Variants in ANKRD17 observed in about 807,000 individuals in gnomAD.
The protein encoded by ANKRD17 is ankyrin repeat domain 17, also known as ankyrin repeat domain-containing protein 17.
Under a neutral mutation model 229.7 loss-of-function variants are expected in ANKRD17, and 19 were observed. The observed-to-expected ratio is 0.08, with a 90% CI of 0.06 to 0.12. The LOEUF (loss-of-function observed/expected upper bound fraction) is 0.12, where lower values mean the gene tolerates loss of function less well. ANKRD17 is among the 10% of genes least tolerant of loss of function. ANKRD17 has a pLI of 1.00. For synonymous variants in ANKRD17, 1,112 were observed against 1,146.1 expected (o/e 0.97, Z 0.60); for missense variants, 2,176 against 3,176.8 (o/e 0.68, Z 7.57).
chr4:73,189,135 T>C (rs1310179534), intron 1 of ANKRD17, among the ~76,000 whole-genome samples: 2 of 152,258 alleles, frequency 1.3e-5, no homozygotes, highest in East Asian at 3.9e-4. Context: ...TACTTTTTTA[T>C]TTACAAGGCC....
chr4:73,120,464 C>T lies in ANKRD17; in HGVS notation c.3850-127G>A, dbSNP rs191354379. On this transcript the variant is annotated intron_variant, in intron 20 of 33. Coordinates refer to ENST00000358602, the MANE Select transcript of ANKRD17 (RefSeq NM_032217.5). ...ACCAAGATTCACAACTAAATTTAAT[C>T]ACTGACCCTTATTAGCTCCTTTGAG... 35 of 822,902 alleles carry T rather than the reference C, an allele frequency of 4.3e-5. 1 individual carries two copies. In the East Asian group the frequency reaches 9.5e-4, roughly 22 times the overall value. The allele number at this position is 822,902 out of a possible 1,614,324, so 51.0% of individuals were successfully genotyped here.
rs559559415 is a variant in ANKRD17, at chr4:73,148,932, G to C, written c.1448C>G (p.Ala483Gly). 1 of 1,613,372 alleles carries C rather than the reference G, an allele frequency of 6.2e-7. No homozygotes were observed. The highest frequency in any genetic ancestry group is 8.5e-7 in the Non-Finnish European group (1 of 1,179,682). Residue 483 changes from alanine to glycine, a missense_variant, in exon 8 of 34, where the codon GCG (alanine) becomes GGG (glycine). This residue lies in a region of ANKRD17 where 42 missense variants were observed against 141.3 expected (regional missense o/e 0.30). Transcript: ENST00000358602. Reference sequence around the variant, plus strand: ...AGCTCCTCTTTCAATAAGTAAAGCCGCAAGTTCCACATGCCCACCACATGC... The same window carrying C: ...AGCTCCTCTTTCAATAAGTAAAGCCCCAAGTTCCACATGCCCACCACATGC... ...LAACGGHVEL[A>G]ALLIERGASL...
chr4:73,160,864 A>G (rs368550212), intron 3 of ANKRD17, among the ~76,000 whole-genome samples: 1 of 152,158 alleles, frequency 6.6e-6, no homozygotes, highest in African/African-American at 2.4e-5. Context: ...ATACATTTTT[A>G]AAAAAAATCT....
intron 1 of ANKRD17, among the ~76,000 whole-genome samples, chr4:73,220,280 C>A (rs1286855733): frequency 6.6e-6 from 1 of 151,990 alleles, no homozygotes; most frequent in African/African-American, 2.4e-5. Context: ...TGGCTACTTT[C>A]CTGAGTATTA....
intron 1 of ANKRD17, among the ~76,000 whole-genome samples, chr4:73,215,554 G>C (rs910680748): frequency 6.6e-6 from 1 of 152,100 alleles, no homozygotes; most frequent in African/African-American, 2.4e-5. Context: ...CACTGCGCCT[G>C]GCTGAAAATG....
chr4:73,127,806 T>C lies in ANKRD17; in HGVS notation c.3235-2494A>G, dbSNP rs1355207415. On this transcript the variant is annotated intron_variant, in intron 16 of 33. Coordinates refer to ENST00000358602, the MANE Select transcript of ANKRD17 (RefSeq NM_032217.5). ...TGTATTTGTAGAATGTACATAATAA[T>C]TATAAAAAGGAAAAGCATATTCTCC... Among the ~76,000 whole-genome samples the C allele has an allele frequency of 2.6e-5, 4 of 152,278 alleles. No homozygotes were observed. The East Asian group carries it at 5.8e-4, about 22-fold the overall frequency.
chr4:73,211,171 C>CT (rs1416870694), intron 1 of ANKRD17, among the ~76,000 whole-genome samples: 2 of 151,780 alleles, frequency 1.3e-5, no homozygotes, highest in Non-Finnish European at 2.9e-5. Flanking sequence ...TCTCACATTA[C>CT]TTTTACAGAG....
intron 22 of ANKRD17, among the ~76,000 whole-genome samples, chr4:73,116,967 A>G (rs10805059): frequency 5.3e-5 from 8 of 151,822 alleles, no homozygotes; most frequent in Non-Finnish European, 8.8e-5. Context: ...GCACTGCTCA[A>G]CTGAAGTCAA....
At chr4:73,253,599 G>A (rs1207361456) in intron 1 of ANKRD17, among the ~76,000 whole-genome samples, 1 of 152,174 alleles carries the variant, frequency 6.6e-6, no homozygotes, top group African/African-American at 2.4e-5. Context: ...GTAAATGATG[G>A]ATCAAGGATT....
At chr4:73,196,258 G>A (rs1177615049) in intron 1 of ANKRD17, among the ~76,000 whole-genome samples, 3 of 151,690 alleles carry the variant, frequency 2.0e-5, no homozygotes, top group East Asian at 1.9e-4. Context: ...TCGGCCTCCC[G>A]AAGTGTTGGG....
intron 1 of ANKRD17, chr4:73,223,111 A>G: frequency 6.9e-7 from 1 of 1,446,696 alleles, no homozygotes; most frequent in Non-Finnish European, 9.4e-7. Flanking sequence ...GCAAGGGAAC[A>G]GGAAATGGAA....
chr4:73,204,934 G>GT, intron 1 of ANKRD17, among the ~76,000 whole-genome samples: 1 of 152,030 alleles, frequency 6.6e-6, no homozygotes, highest in Non-Finnish European at 1.5e-5. Flanking sequence ...TTTTTTGTGA[G>GT]TAAAAATACT....
At chr4:73,156,554 C>T (rs1731687956) in intron 3 of ANKRD17, among the ~76,000 whole-genome samples, 1 of 152,094 alleles carries the variant, frequency 6.6e-6, no homozygotes, top group Non-Finnish European at 1.5e-5. Flanking sequence ...GGATTTCTCC[C>T]TTGCTGTTCT....
chr4:73,210,418 G>A (rs901030713), intron 1 of ANKRD17, among the ~76,000 whole-genome samples: 1 of 152,120 alleles, frequency 6.6e-6, no homozygotes, highest in African/African-American at 2.4e-5. Flanking sequence ...CAACAGTGCT[G>A]AGAGAAATTA....
At chr4:73,212,555 GAAAACTA>G (rs1357360781) in intron 1 of ANKRD17, among the ~76,000 whole-genome samples, 1 of 149,516 alleles carries the variant, frequency 6.7e-6, no homozygotes, top group African/African-American at 2.5e-5. Context: ...ATTTCATGGA[GAAAACTA>G]AAAAATAATA....
Position 73,091,133 on chromosome 4 carries a change from T to A in ANKRD17, c.6495A>T (p.Gly2165=). ...CCATTTTAGGAGTAGGCTGGGGGCATCCCATTGGTGTCTGAGGCATAGGGT... is the reference window on the plus strand; with the variant it reads ...CCATTTTAGGAGTAGGCTGGGGGCAACCCATTGGTGTCTGAGGCATAGGGT... ...VTYPMPQTPM[G]CPQPTPKMET... The change falls in exon 29 of 34, where the codon GGA becomes GGT. Residue 2165 remains glycine, a synonymous_variant. Coordinates refer to ENST00000358602, the MANE Select transcript of ANKRD17 (RefSeq NM_032217.5). 6.2e-7 allele frequency: 1 copy of A among 1,614,064 alleles called. No individual in the cohort carries two copies. The highest frequency in any genetic ancestry group is 8.5e-7 in the Non-Finnish European group (1 of 1,180,018).
chr4:73,203,210 C>T (rs189695564), intron 1 of ANKRD17, among the ~76,000 whole-genome samples: 59 of 152,304 alleles, frequency 3.9e-4, no homozygotes, highest in Admixed American at 4.6e-4. Context: ...CTCCCCAACA[C>T]TTCTTTTCCC....
In ANKRD17 at chr4:73,121,781, A is replaced by G. The variant is rs755643658; in HGVS notation, c.3493-22T>C. ...CCACCTGAAAATAAAATAGAAAAAA[A>G]TATGTTTTCTTATGGAGAGACAAAT... On this transcript the variant is annotated intron_variant, in intron 18 of 33. Coordinates refer to ENST00000358602, the MANE Select transcript of ANKRD17 (RefSeq NM_032217.5). 3.2e-6 allele frequency: 5 copies of G among 1,571,230 alleles called. No individual in the cohort carries two copies. In the South Asian group the frequency reaches 4.8e-5, roughly 15 times the overall value.
intron 29 of ANKRD17, among the ~76,000 whole-genome samples, chr4:73,090,039 T>C (rs888803843): frequency 7.9e-5 from 12 of 152,256 alleles, no homozygotes; most frequent in Non-Finnish European, 1.5e-4. Flanking sequence ...AAATCTGTTA[T>C]TTTGTATTTG....
Sources: gnomAD v4.1 joint callset for allele counts (sites outside exome capture counted in the v4.1 genomes callset) on GRCh38, gnomAD v4.1.1 for gene constraint, gnomAD v4.1.1 regional missense constraint, MANE v1.5 for transcripts, NCBI Gene and HGNC (gene_info 2026-07-23, HGNC 2026-07-21) for gene names.